The following ECPAS variants were observed in gnomAD, a reference collection of about 807,000 sequenced individuals.
ECPAS encodes the protein proteasome adapter and scaffold protein ECM29.
A neutral mutation model predicts 255.1 loss-of-function variants in ECPAS; 70 were observed. The ratio of observed to expected loss-of-function variants is 0.27; its 90% confidence interval spans 0.23 to 0.33. The LOEUF is 0.33. Ranked by LOEUF, ECPAS falls within the 10% of genes least tolerant of loss-of-function variation. The probability of loss-of-function intolerance (pLI) is 1.00; values close to 1 mark genes in which losing one functional copy is unlikely to be tolerated. For synonymous variants in ECPAS, 784 were observed against 775.0 expected, an observed-to-expected ratio of 1.01 and a Z score of -0.19; for missense variants, 1,817 against 2,206.4, an observed-to-expected ratio of 0.82 and a Z score of 3.54.
intron 5 of ECPAS, among the ~76,000 whole-genome samples, chr9:111,441,678 A>G (rs2098246206): frequency 6.6e-6 from 1 of 152,216 alleles, no homozygotes; most frequent in African/African-American, 2.4e-5. Flanking sequence ...AACAATTACA[A>G]ACAGTACTTG....
chr9:111,415,731 A>T (rs1005183089), intron 18 of ECPAS, among the ~76,000 whole-genome samples: 1 of 151,950 alleles, frequency 6.6e-6, no homozygotes, highest in Non-Finnish European at 1.5e-5. Flanking sequence ...ACAAACAAAA[A>T]AAACAACCCT....
At chr9:111,408,191 T>C (rs757170598) in intron 24 of ECPAS, among the ~76,000 whole-genome samples, 11 of 152,182 alleles carry the variant, frequency 7.2e-5, no homozygotes, top group Non-Finnish European at 1.2e-4. Context: ...CACTACACAC[T>C]AGGCATCTAG....
chr9:111,369,231 A>G, intron 45 of ECPAS, 58 bp from the exon 46 acceptor site: 5 of 1,347,114 alleles, frequency 3.7e-6, no homozygotes, highest in Admixed American at 3.2e-5. Context: ...TTACAGGTAT[A>G]CTATTAAAGC....
At chr9:111,425,371 C>G in intron 12 of ECPAS, 47 bp downstream of exon 12, 1 of 1,226,274 alleles carries the variant, frequency 8.2e-7, no homozygotes, top group Non-Finnish European at 1.1e-6. Flanking sequence ...ATAGAAAATA[C>G]TTTAAGATAT....
intron 29 of ECPAS, among the ~76,000 whole-genome samples, chr9:111,391,420 T>C (rs1332600458): frequency 2.0e-5 from 3 of 151,898 alleles, no homozygotes; most frequent in Non-Finnish European, 4.4e-5. Flanking sequence ...TCTACTAAAA[T>C]ACAAAAATTA....
chr9:111,414,027 TAATGAACATACAGGGATCACTA>T lies in ECPAS; in HGVS notation c.1988-63_1988-42del, dbSNP rs745417643. The T allele has an allele frequency of 3.8e-5, 51 of 1,354,906 alleles. No individual in the cohort carries two copies. The African/African-American group carries it at 6.8e-4, about 18-fold the overall frequency. The allele number at this position is 1,354,906 out of a possible 1,614,324, so 83.9% of individuals were successfully genotyped here. On this transcript the variant is annotated intron_variant, in intron 19 of 49. Coordinates refer to ENST00000684092, the MANE Select transcript of ECPAS (RefSeq NM_001364929.1). ...GAATCACCTTAAATTTCAAGAAAAGTAATGAACATACAGGGATCACTAAATTCCTTTAAAGTATAAGGCCACT... is the reference window on the plus strand; with the variant it reads ...GAATCACCTTAAATTTCAAGAAAAGTAATTCCTTTAAAGTATAAGGCCACT...
At chr9:111,462,692 A>G (rs868547871) in intron 2 of ECPAS, among the ~76,000 whole-genome samples, 1 of 152,064 alleles carries the variant, frequency 6.6e-6, no homozygotes, top group South Asian at 2.1e-4. Flanking sequence ...AATCCTAACT[A>G]TAATTCATAA....
In ECPAS at chr9:111,464,213, G is replaced by A. The variant is rs1020844544; in HGVS notation, c.22+8684C>T. Among the ~76,000 whole-genome samples the A allele has an allele frequency of 4.0e-5, 6 of 150,518 alleles. No homozygotes were observed. The Admixed American group carries it at 4.0e-4, about 10-fold the overall frequency. ...TTTAGGAGGCTGAGGTAGTCAGATC[G>A]CTTGAGCTCAGGAGTTCAAGACCAG... On this transcript the variant is annotated intron_variant, in intron 2 of 49. Transcript: ENST00000684092.
intron 12 of ECPAS, among the ~76,000 whole-genome samples, chr9:111,424,807 T>C (rs1368364557): frequency 6.6e-6 from 1 of 152,206 alleles, no homozygotes; most frequent in Admixed American, 6.5e-5. Flanking sequence ...AAATTTCAAT[T>C]CCTTTAATTC....
At chr9:111,425,397 T>C in intron 12 of ECPAS, 21 bp downstream of exon 12, 1 of 1,483,840 alleles carries the variant, frequency 6.7e-7, no homozygotes, top group Non-Finnish European at 9.1e-7. Flanking sequence ...GTTGATAAAA[T>C]TTAAAAGACA....
At chr9:111,398,820 C>T (rs886307745) in intron 24 of ECPAS, among the ~76,000 whole-genome samples, 1 of 151,936 alleles carries the variant, frequency 6.6e-6, no homozygotes, top group Non-Finnish European at 1.5e-5. Context: ...GCCTGTAATC[C>T]CAGCTATTTG....
intron 24 of ECPAS, among the ~76,000 whole-genome samples, chr9:111,403,319 C>T (rs150363632): frequency 2.6e-5 from 4 of 151,510 alleles, no homozygotes; most frequent in East Asian, 2.0e-4. Context: ...GAGATTGCTG[C>T]ACTCCAGCCT....
At chr9:111,423,846 A>C (rs1204202122) in intron 12 of ECPAS, among the ~76,000 whole-genome samples, 2 of 152,242 alleles carry the variant, frequency 1.3e-5, no homozygotes, top group Non-Finnish European at 1.5e-5. Context: ...AAAAACTAAT[A>C]ATCTGATTAC....
rs560511718 is a variant in ECPAS at position 111,376,507 on chromosome 9, T to G, written c.3989A>C (p.Lys1330Thr). ...AMDSARLSAA[K>T]SSPMMETINM... is the part of the protein sequence containing the mutation. ...GATTGTTTCCATCATTGGAGAAGAT[T>G]TGGCAGCACTAAGCCGAGCACTATC... The change falls in exon 37 of 50, where the codon AAA becomes ACA. Residue 1330 changes from lysine (K) to threonine (T), a missense_variant. By Grantham distance (78) the Lys-to-Thr change is moderately conservative. Transcript: ENST00000684092. 25 of 1,600,684 alleles carry G rather than the reference T, an allele frequency of 1.6e-5. No homozygotes were observed. The highest frequency in any genetic ancestry group is 4.5e-5 in the South Asian group (4 of 88,110).
At chr9:111,457,650 A>G (rs1367614465) in intron 2 of ECPAS, among the ~76,000 whole-genome samples, 1 of 152,234 alleles carries the variant, frequency 6.6e-6, no homozygotes, top group Non-Finnish European at 1.5e-5. Context: ...GCAAGTGGGC[A>G]GCGTGACAAT....
At position 111,392,869 on chromosome 9, in the gene ECPAS, A is replaced by G. The variant is rs1473733724; in HGVS notation, c.2991T>C (p.Asp997=). Residue 997 remains aspartate (D), a synonymous_variant, in exon 28 of 50, where the codon GAT becomes GAC. Transcript: ENST00000684092. ...CCAACCCAAGGCCCTTTGATGCAAC[A>G]TCTTGGCTAAGTTCTACAAGAAAGT... The part of the protein sequence containing the change: ...VLSENDELSQ[D]VASKGLGLVY... 3 of 1,609,918 alleles carry G rather than the reference A, an allele frequency of 1.9e-6. No individual in the cohort carries two copies. Among genetic ancestry groups the G allele is most frequent in the Non-Finnish European group, 1.7e-6 (2 of 1,178,080 alleles).
chr9:111,426,923 T>C (rs2098222543), intron 10 of ECPAS, among the ~76,000 whole-genome samples: 1 of 151,958 alleles, frequency 6.6e-6, no homozygotes, highest in African/African-American at 2.4e-5. Flanking sequence ...TAAGCCTAGA[T>C]CACACCACTA....
intron 7 of ECPAS, among the ~76,000 whole-genome samples, chr9:111,433,589 C>T (rs1589192653): frequency 6.6e-6 from 1 of 152,116 alleles, no homozygotes; most frequent in South Asian, 2.1e-4. Flanking sequence ...ATCATTATAC[C>T]CATTTTTTAG....
In ECPAS at chr9:111,383,381, T is replaced by A. The variant is rs1380729545; in HGVS notation, c.3682-49A>T. The A allele has an allele frequency of 5.1e-6, 8 of 1,561,226 alleles. No individual in the cohort carries two copies. In the East Asian group the frequency reaches 1.2e-4, roughly 23 times the overall value. ...TTAGTGAAAGTGACCGCGCATCCAA[T>A]AAAGAATTCATCTGACAAAAGACTT... On this transcript the variant is annotated intron_variant, in intron 34 of 49. Transcript: ENST00000684092.
Sources: allele counts gnomAD v4.1 joint callset (sites outside exome capture counted in the v4.1 genomes callset), GRCh38; gene constraint gnomAD v4.1.1; transcripts MANE v1.5; gene names NCBI Gene and HGNC (gene_info 2026-07-23, HGNC 2026-07-21).